ARHGEF3: variants seen among roughly 807,000 people sequenced by gnomAD.
ARHGEF3 encodes 59.8 kDA protein.
Under a neutral mutation model 63.2 loss-of-function variants are expected in ARHGEF3, and 28 were observed. The observed-to-expected ratio is 0.44, with a 90% CI of 0.33 to 0.61. The LOEUF (loss-of-function observed/expected upper bound fraction) is 0.61, where lower values mean the gene tolerates loss of function less well. Among genes scored for constraint, ARHGEF3 ranks in the 20% least tolerant of loss-of-function variants. The pLI is 0.03. For synonymous variants in ARHGEF3, 266 were observed against 254.2 expected (o/e 1.05, Z -0.44); for missense variants, 533 against 659.3 (o/e 0.81, Z 2.10).
At chr3:56,773,061 T>C (rs1452912396) in intron 2 of ARHGEF3, among the ~76,000 whole-genome samples, 2 of 152,172 alleles carry the variant, frequency 1.3e-5, no homozygotes, top group Non-Finnish European at 2.9e-5. Context: ...GGCCAGATGG[T>C]AAATATTTTT....
chr3:57,023,320 C>T (rs1703335317), intron 2 of ARHGEF3, among the ~76,000 whole-genome samples: 1 of 152,178 alleles, frequency 6.6e-6, no homozygotes, highest in African/African-American at 2.4e-5. Context: ...GTTCACCTCT[C>T]TCCATTGGTT....
chr3:56,832,548 G>GAT (rs560106646), intron 4 of ARHGEF3, among the ~76,000 whole-genome samples: 83 of 152,256 alleles, frequency 5.5e-4, no homozygotes, highest in Middle Eastern at 3.4e-3. Context: ...TCATGGAATA[G>GAT]ATATATATCC....
Position 56,967,300 on chromosome 3 carries a change from T to TATATATTATATA in ARHGEF3, c.63-8423_63-8412dup, listed in dbSNP as rs1274131974. ...ATATTATATTATATATTATACAAATTATATATTATATATTATATATTATAT... is the reference window on the plus strand; with the variant it reads ...ATATTATATTATATATTATACAAATTATATATTATATAATATATTATATATTATATATTATAT... On this transcript the variant is annotated intron_variant, in intron 2 of 12. Coordinates refer to the ARHGEF3 transcript ENST00000338458. Among the ~76,000 whole-genome samples the TATATATTATATA allele has an allele frequency of 2.0e-3, 95 of 47,848 alleles. 3 individuals carry two copies. Among genetic ancestry groups the TATATATTATATA allele is most frequent in the African/African-American group, 5.7e-3 (92 of 16,140 alleles). The allele number at this position is 47,848 out of a possible 152,430, so 31.4% of individuals were successfully genotyped here.
At chr3:57,079,045 A>C (rs1045740188) in intron 1 of ARHGEF3, 1 of 341,032 alleles carries the variant, frequency 2.9e-6, no homozygotes, top group African/African-American at 2.2e-5. Context: ...GGACGCCGAG[A>C]CCTAGCAGGG....
intron 2 of ARHGEF3, among the ~76,000 whole-genome samples, chr3:56,994,174 G>C (rs915620330): frequency 6.7e-6 from 1 of 149,996 alleles, no homozygotes; most frequent in African/African-American, 2.5e-5. Context: ...AATCTCACAA[G>C]GCTTTGTTAA....
At chr3:56,791,584 T>C (rs1219767586) in intron 1 of ARHGEF3, among the ~76,000 whole-genome samples, 1 of 152,192 alleles carries the variant, frequency 6.6e-6, no homozygotes, top group Non-Finnish European at 1.5e-5. Context: ...CTCTGCACAG[T>C]GTTCTGGCTA....
At chr3:56,877,135 C>T (rs2040612349) in intron 4 of ARHGEF3, among the ~76,000 whole-genome samples, 2 of 152,096 alleles carry the variant, frequency 1.3e-5, no homozygotes, top group Admixed American at 6.5e-5. Context: ...CTTTATCCAA[C>T]TGATAAAAGA....
At chr3:56,984,140 G>A (rs1466985030) in intron 2 of ARHGEF3, among the ~76,000 whole-genome samples, 1 of 152,050 alleles carries the variant, frequency 6.6e-6, no homozygotes, top group Non-Finnish European at 1.5e-5. Context: ...GCAGCCACAA[G>A]AGCTTACACA....
intron 3 of ARHGEF3, among the ~76,000 whole-genome samples, chr3:56,921,546 G>A (rs757790934): frequency 3.0e-4 from 45 of 152,312 alleles, no homozygotes; most frequent in Non-Finnish European, 5.4e-4. Context: ...CACTTTTATT[G>A]AATGTCTTTA....
At chr3:57,005,276 C>T (rs772226299) in intron 2 of ARHGEF3, among the ~76,000 whole-genome samples, 2 of 152,132 alleles carry the variant, frequency 1.3e-5, no homozygotes, top group Non-Finnish European at 2.9e-5. Flanking sequence ...ATACTACATC[C>T]TAGGTACTAA....
At chr3:56,800,211 T>C (rs1462140667) in intron 1 of ARHGEF3, among the ~76,000 whole-genome samples, 1 of 152,262 alleles carries the variant, frequency 6.6e-6, no homozygotes, top group Non-Finnish European at 1.5e-5. Context: ...TATTCTTTTC[T>C]TTGGCCCACT....
chr3:56,971,997 G>A (rs775641234), intron 2 of ARHGEF3, among the ~76,000 whole-genome samples: 1 of 152,006 alleles, frequency 6.6e-6, no homozygotes, highest in Non-Finnish European at 1.5e-5. Flanking sequence ...ACACTCCTGA[G>A]AGACCTTATC....
At chr3:56,843,945 T>A (rs2039401700) in intron 4 of ARHGEF3, among the ~76,000 whole-genome samples, 2 of 152,186 alleles carry the variant, frequency 1.3e-5, no homozygotes, top group African/African-American at 4.8e-5. Context: ...GGCAGAATTG[T>A]GACTCACAAC....
At chr3:56,753,148 T>A (rs1245455183) in intron 4 of ARHGEF3, among the ~76,000 whole-genome samples, 1 of 152,238 alleles carries the variant, frequency 6.6e-6, no homozygotes, top group Admixed American at 6.5e-5. Flanking sequence ...TTTCTAAGAC[T>A]CAGTTCAAGT....
intron 2 of ARHGEF3, among the ~76,000 whole-genome samples, chr3:56,986,232 T>C (rs934219819): frequency 6.6e-6 from 1 of 152,086 alleles, no homozygotes. Context: ...TGGACAGATT[T>C]GGGGTTTATC....
rs541592561 is a variant in ARHGEF3 at position 56,737,427 on chromosome 3, A to T, written c.871-72T>A. The stretch of plus-strand genomic sequence containing the variant: ...CATTCACACCAAGTCTTAGGGGCTC[A>T]GCCTAGAAGGACACCAGGACACACC... On this transcript the variant is annotated intron_variant, in intron 7 of 9. Coordinates refer to ENST00000296315, the MANE Select transcript of ARHGEF3 (RefSeq NM_019555.3). 1.4e-4 allele frequency: 187 copies of T among 1,326,932 alleles called. 1 individual carries two copies. The African/African-American group carries it at 2.6e-3, about 18-fold the overall frequency. The allele number at this position is 1,326,932 out of a possible 1,614,324, so 82.2% of individuals were successfully genotyped here.
At chr3:57,007,707 A>T (rs1386305318) in intron 2 of ARHGEF3, among the ~76,000 whole-genome samples, 1 of 152,060 alleles carries the variant, frequency 6.6e-6, no homozygotes, top group South Asian at 2.1e-4. Flanking sequence ...CTGCTCCTGG[A>T]TCCTGATCAG....
intron 3 of ARHGEF3, among the ~76,000 whole-genome samples, chr3:56,954,844 A>G (rs1301352373): frequency 6.6e-6 from 1 of 152,242 alleles, no homozygotes; most frequent in Non-Finnish European, 1.5e-5. Flanking sequence ...TCCAGCATAA[A>G]AAAGGAAAAA....
intron 1 of ARHGEF3, among the ~76,000 whole-genome samples, chr3:56,800,709 C>G (rs960115221): frequency 5.3e-5 from 8 of 152,142 alleles, no homozygotes; most frequent in African/African-American, 1.9e-4. Flanking sequence ...TTCAGCCTTT[C>G]CCCAGTGGTG....
Sources: gnomAD v4.1 joint callset for allele counts (sites outside exome capture counted in the v4.1 genomes callset) on GRCh38, gnomAD v4.1.1 for gene constraint, MANE v1.5 for transcripts, NCBI Gene and HGNC (gene_info 2026-07-23, HGNC 2026-07-21) for gene names.